ZNF623: variants seen among roughly 807,000 people sequenced by gnomAD.
ZNF623 encodes the protein zinc finger protein 623.
ZNF623 carries 16 observed loss-of-function variants against 24.0 expected under a neutral mutation model. The observed-to-expected ratio is 0.67, with a 90% confidence interval of 0.45 to 1.01. The LOEUF (loss-of-function observed/expected upper bound fraction) is 1.01. ZNF623 is among the 50% of genes least tolerant of loss of function. The pLI is 0.00. For missense variants in ZNF623, 566 were observed against 606.5 expected (o/e 0.93, Z 0.70); for synonymous variants, 224 against 219.8 (o/e 1.02, Z -0.17).
At chr8:143,647,775 G>A (rs1264832244) in intron 1 of ZNF623, among the ~76,000 whole-genome samples, 1 of 152,202 alleles carries the variant, frequency 6.6e-6, no homozygotes, top group African/African-American at 2.4e-5. Context: ...TCTGCTGGCT[G>A]TGTAGAAAAG....
At chr8:143,640,815 C>T (rs1420867397) in intron 1 of ZNF623, among the ~76,000 whole-genome samples, 1 of 151,970 alleles carries the variant, frequency 6.6e-6, no homozygotes, top group East Asian at 1.9e-4. Context: ...GTGGCGCACT[C>T]CTGTAATCCC....
Position 143,650,468 on chromosome 8 carries a change from G to A in ZNF623, c.476G>A (p.Arg159His), listed in dbSNP as rs577628297. 36 of 1,614,096 alleles carry A rather than the reference G, an allele frequency of 2.2e-5. No homozygotes were observed. The highest frequency in any genetic ancestry group is 5.5e-5 in the South Asian group (5 of 91,080). The part of the protein sequence containing the change: ...IHYSGLIEHQ[R>H]VHSGEKPFKC... ...TATTCAGGTCTCATTGAGCATCAGCGCGTTCATTCAGGAGAAAAGCCCTTC... is the reference window on the plus strand; with the variant it reads ...TATTCAGGTCTCATTGAGCATCAGCACGTTCATTCAGGAGAAAAGCCCTTC... The change falls in exon 2 of 2, where the codon CGC becomes CAC. Residue 159 changes from arginine (R) to histidine (H), a missense_variant. By Grantham distance (29) the Arg-to-His change is conservative. Coordinates refer to ENST00000526926, the MANE Select transcript of ZNF623 (RefSeq NM_001261843.2). This position sits in a 1 kb window ranked among gnomAD's most constrained non-coding sequence, Gnocchi z 5.2.
In ZNF623 at chr8:143,651,738, C is replaced by T. The variant is rs981036114; in HGVS notation, c.*255C>T. ...CAGTAGGGGCAGGGAGAAGACAGGTCTCAAGAAAAGGTTTTTAAGAAGTTT... is the reference window on the plus strand; with the variant it reads ...CAGTAGGGGCAGGGAGAAGACAGGTTTCAAGAAAAGGTTTTTAAGAAGTTT... On this transcript the variant is annotated 3_prime_UTR_variant, in exon 2 of 2. Transcript: ENST00000526926. 1.4e-5 allele frequency: 6 copies of T among 442,680 alleles called. No individual in the cohort carries two copies. In the Admixed American group the frequency reaches 2.4e-4, roughly 17 times the overall value. The allele number at this position is 442,680 out of a possible 1,614,324, so 27.4% of individuals were successfully genotyped here.
chr8:143,650,107 A>T lies in ZNF623; in HGVS notation c.115A>T (p.Lys39Ter). 3 of 1,614,164 alleles carry T rather than the reference A, an allele frequency of 1.9e-6. No individual in the cohort carries two copies. Among genetic ancestry groups the T allele is most frequent in the Non-Finnish European group, 2.5e-6 (3 of 1,180,032 alleles). Residue 39 changes from lysine (K) to a stop codon, truncating the protein, a stop_gained, in exon 2 of 2, where the codon AAG (lysine) becomes TAG (stop). Coordinates refer to ENST00000526926, the MANE Select transcript of ZNF623 (RefSeq NM_001261843.2). LOFTEE classifies it low-confidence loss of function (END_TRUNC). This position sits in a 1 kb window ranked among gnomAD's most constrained non-coding sequence, Gnocchi z 5.2. ...TTCCCCCTCTCAGGACAGGGGCTGC[A>T]AGCAGGTGACAGTGACCCATTGGAA... is the stretch of plus-strand genomic sequence containing the variant. ...GSSPSQDRGCKQVTVTHWKIQ... is the reference protein window; with the variant it reads ...GSSPSQDRGC
chr8:143,648,345 G>A (rs1815218099), intron 1 of ZNF623, among the ~76,000 whole-genome samples: 2 of 152,120 alleles, frequency 1.3e-5, no homozygotes, highest in African/African-American at 2.4e-5. Context: ...CAGTGCCACC[G>A]CAGGTTGAGT....
intron 1 of ZNF623, among the ~76,000 whole-genome samples, chr8:143,647,152 T>G (rs117524664): frequency 0.11 from 14,646 of 134,616 alleles, 918 homozygotes; most frequent in East Asian, 0.33. Flanking sequence ...TTGCTGTTTT[T>G]TTTTTTTTTG....
intron 1 of ZNF623, among the ~76,000 whole-genome samples, chr8:143,638,593 C>A (rs1587322617): frequency 6.6e-6 from 1 of 151,554 alleles, no homozygotes; most frequent in Admixed American, 6.6e-5. Context: ...AAAAAATTAG[C>A]CGGGCGTGGT....
rs893045449 is a variant in ZNF623 at position 143,649,138 on chromosome 8, C to T, written c.-95-760C>T. On this transcript the variant is annotated intron_variant, in intron 1 of 1. Coordinates refer to ENST00000526926, the MANE Select transcript of ZNF623 (RefSeq NM_001261843.2). ...TAAAAATACAAAAAAATTAGCCGGGCGTGGTGGCGGGCGCCTGTAGTCCCA... is the reference window on the plus strand; with the variant it reads ...TAAAAATACAAAAAAATTAGCCGGGTGTGGTGGCGGGCGCCTGTAGTCCCA... 5.3e-5 allele frequency among the ~76,000 whole-genome samples: 8 copies of T among 151,816 alleles called. 1 individual carries two copies. Among genetic ancestry groups the T allele is most frequent in the Admixed American group, 5.2e-4 (8 of 15,254 alleles).
chr8:143,638,886 A>C (rs543955046), intron 1 of ZNF623, among the ~76,000 whole-genome samples: 3 of 150,534 alleles, frequency 2.0e-5, no homozygotes, highest in African/African-American at 7.4e-5. Flanking sequence ...TCTCCACCCC[A>C]CCGTTCTCCC....
chr8:143,651,167 A>G lies in ZNF623; in HGVS notation c.1175A>G (p.Glu392Gly). Reference protein sequence around the residue: ...QKIHSGDRPFECKDCGKAFIQ... With the variant: ...QKIHSGDRPFGCKDCGKAFIQ... Reference sequence around the variant, plus strand: ...ATCCACTCTGGGGACAGGCCCTTCGAATGTAAAGACTGTGGGAAAGCCTTC... The same window carrying G: ...ATCCACTCTGGGGACAGGCCCTTCGGATGTAAAGACTGTGGGAAAGCCTTC... The change falls in exon 2 of 2, where the codon GAA becomes GGA. Residue 392 changes from glutamate to glycine, a missense_variant. By Grantham distance (98) the Glu-to-Gly change is moderately conservative. Transcript: ENST00000526926. 1 of 1,614,164 alleles carries G rather than the reference A, an allele frequency of 6.2e-7. No individual in the cohort carries two copies. The highest frequency in any genetic ancestry group is 8.5e-7 in the Non-Finnish European group (1 of 1,180,008).
rs1815351904 is a variant in ZNF623 at position 143,652,445 on chromosome 8, TGGC to T, written c.*963_*965del. On this transcript the variant is annotated 3_prime_UTR_variant, in exon 2 of 2. Coordinates refer to ENST00000526926, the MANE Select transcript of ZNF623 (RefSeq NM_001261843.2). ...TGCCATTCTAAAAATTTTCAGCTGT[TGGC>T]TGTTTTTTTTGTTGTTTGTTCATTT... 3 of 167,090 alleles carry T rather than the reference TGGC, an allele frequency of 1.8e-5. No homozygotes were observed. Among genetic ancestry groups the T allele is most frequent in the African/African-American group, 7.2e-5 (3 of 41,462 alleles). The allele number at this position is 167,090 out of a possible 1,614,324, so 10.4% of individuals were successfully genotyped here. A position where few individuals can be genotyped will look rare whatever the true frequency, so the allele number is the denominator to read the frequency against.
At chr8:143,642,126 A>G (rs1366750248) in intron 1 of ZNF623, among the ~76,000 whole-genome samples, 1 of 152,230 alleles carries the variant, frequency 6.6e-6, no homozygotes, top group African/African-American at 2.4e-5. Flanking sequence ...TAGCCACCTT[A>G]GTCAACCATC....
chr8:143,650,976 T>A lies in ZNF623; in HGVS notation c.984T>A (p.Ile328=), dbSNP rs199857924. The change falls in exon 2 of 2, where the codon ATT becomes ATA. Residue 328 remains isoleucine (I), a synonymous_variant. Coordinates refer to ENST00000526926, the MANE Select transcript of ZNF623 (RefSeq NM_001261843.2). The surrounding 1 kb of genome is among the most constrained non-coding windows in gnomAD (Gnocchi z 5.2). ...QTSNFTQHQR[I]HTGEKLYECN... ...CAAACTTCACCCAGCATCAGAGAAT[T>A]CACACTGGAGAGAAACTCTATGAAT... is the stretch of plus-strand genomic sequence containing the variant. The A allele has an allele frequency of 6.2e-7, 1 of 1,613,934 alleles. No homozygotes were observed. The highest frequency in any genetic ancestry group is 1.7e-5 in the Admixed American group (1 of 59,988).
rs139617326 is a variant in ZNF623, at chr8:143,653,476, T to G, written c.*1993T>G. 7.2e-5 allele frequency: 12 copies of G among 167,248 alleles called. No homozygotes were observed. The highest frequency in any genetic ancestry group is 2.9e-4 in the African/African-American group (12 of 41,592). 10.4% of individuals were successfully genotyped at this position (167,248 alleles called of 1,614,324 possible). On this transcript the variant is annotated 3_prime_UTR_variant, in exon 2 of 2. Coordinates refer to ENST00000526926, the MANE Select transcript of ZNF623 (RefSeq NM_001261843.2). ...AACGCCTATTTAAGTGTACAAGGTT[T>G]TGAAAAATCTATACACCTGTGTAAC...
Position 143,647,009 on chromosome 8 carries a change from A to G in ZNF623, c.-95-2889A>G, listed in dbSNP as rs117059739. On this transcript the variant is annotated intron_variant, in intron 1 of 1. Coordinates refer to ENST00000526926, the MANE Select transcript of ZNF623 (RefSeq NM_001261843.2). ...TAAATTGGTACTTTTATTTTCCTTCATGGTTCATAAAATTGTGTCACATCT... is the reference window on the plus strand; with the variant it reads ...TAAATTGGTACTTTTATTTTCCTTCGTGGTTCATAAAATTGTGTCACATCT... 8.7e-4 allele frequency among the ~76,000 whole-genome samples: 133 copies of G among 152,010 alleles called. 2 individuals carry two copies. The East Asian group carries it at 0.019, about 22-fold the overall frequency.
rs767658062 is a variant in ZNF623, at chr8:143,651,177, C to T, written c.1185C>T (p.Asp395=). 17 of 1,614,044 alleles carry T rather than the reference C, an allele frequency of 1.1e-5. No homozygotes were observed. The South Asian group carries it at 1.6e-4, about 16-fold the overall frequency. The part of the protein sequence containing the change: ...HSGDRPFECK[D]CGKAFIQSSK... ...GGGACAGGCCCTTCGAATGTAAAGA[C>T]TGTGGGAAAGCCTTCATCCAGAGCT... Residue 395 remains aspartate, a synonymous_variant, in exon 2 of 2, where the codon GAC becomes GAT. Coordinates refer to ENST00000526926, the MANE Select transcript of ZNF623 (RefSeq NM_001261843.2).
In ZNF623 at chr8:143,652,062, A is replaced by C. The variant is rs1035231882; in HGVS notation, c.*579A>C. ...GACTGCTTCATCTTCCCTGTGCTCC[A>C]CGTGGCTTCCTACCTCTCTCGCCTT... On this transcript the variant is annotated 3_prime_UTR_variant, in exon 2 of 2. Transcript: ENST00000526926. 6.0e-6 allele frequency: 1 copy of C among 167,480 alleles called. No homozygotes were observed. The highest frequency in any genetic ancestry group is 1.5e-5 in the Non-Finnish European group (1 of 68,332). The allele number at this position is 167,480 out of a possible 1,614,324, so 10.4% of individuals were successfully genotyped here.
At chr8:143,647,088 ACTGTG>A (rs1442720654) in intron 1 of ZNF623, among the ~76,000 whole-genome samples, 19 of 152,076 alleles carry the variant, frequency 1.2e-4, no homozygotes, top group Admixed American at 7.9e-4. Context: ...AGTGGTCAGA[ACTGTG>A]CAGAGAAAGC....
chr8:143,646,567 G>GTGCA (rs1815181639), intron 1 of ZNF623, among the ~76,000 whole-genome samples: 4 of 151,936 alleles, frequency 2.6e-5, no homozygotes, highest in Admixed American at 2.6e-4. Flanking sequence ...GTGTGTGTGT[G>GTGCA]TGCATGCATG....
Sources: allele counts gnomAD v4.1 joint callset (sites outside exome capture counted in the v4.1 genomes callset), GRCh38; gene constraint gnomAD v4.1.1; non-coding constraint Gnocchi (gnomAD v3.1); transcripts MANE v1.5; gene names NCBI Gene and HGNC (gene_info 2026-07-23, HGNC 2026-07-21).